MDN1: variants seen among roughly 807,000 people sequenced by gnomAD.
MDN1 encodes midasin.
In MDN1, 266 loss-of-function variants were observed where a neutral mutation model predicts 669.2. The ratio of observed to expected loss-of-function variants is 0.40; its 90% CI spans 0.36 to 0.44. MDN1 has a LOEUF of 0.44. Among genes scored for constraint, MDN1 ranks in the 20% least tolerant of loss-of-function variants. MDN1 has a pLI of 1.00. For missense variants in MDN1, 5,940 were observed against 6,754.0 expected, an observed-to-expected ratio of 0.88 and a Z score of 4.22; for synonymous variants, 2,385 against 2,457.1, an observed-to-expected ratio of 0.97 and a Z score of 0.87.
chr6:89,708,697 T>G, intron 50 of MDN1, 69 bp from the exon 51 acceptor site: 1 of 1,525,388 alleles, frequency 6.6e-7, no homozygotes, highest in Non-Finnish European at 9.0e-7. Flanking sequence ...GAAGTTTCAG[T>G]TGAATATTTT....
rs1808281609 is a variant in MDN1 at position 89,643,292 on chromosome 6, G to GCAAT, written c.*709_*712dup. 1 of 152,226 alleles carries GCAAT rather than the reference G, an allele frequency of 6.6e-6. No homozygotes were observed. Among genetic ancestry groups the GCAAT allele is most frequent in the South Asian group, 2.1e-4 (1 of 4,818 alleles). The allele number at this position is 152,226 out of a possible 1,614,324, so 9.4% of individuals were successfully genotyped here. On this transcript the variant is annotated 3_prime_UTR_variant, in exon 102 of 102. Coordinates refer to ENST00000369393, the MANE Select transcript of MDN1 (RefSeq NM_014611.3). ...CCATGGCACTGAATGAAATAAAGGG[G>GCAAT]CAATCACCTTCCCATCATTGCATAG...
chr6:89,701,571 G>A lies in MDN1; in HGVS notation c.8414C>T (p.Pro2805Leu), dbSNP rs552250904. The change falls in exon 55 of 102, where the codon CCG becomes CTG. Residue 2805 changes from proline (P) to leucine (L), a missense_variant. Transcript: ENST00000369393. ...IKKLQKFLGRPFPFKDKLVVE... is the reference protein window; with the variant it reads ...IKKLQKFLGRLFPFKDKLVVE... ...TTCCAGGTGTACCTTAAAAGGAAAC[G>A]GTCGTCCCAGGAACTTCTGCAACTT... 5.6e-6 allele frequency: 9 copies of A among 1,613,910 alleles called. No individual in the cohort carries two copies. The highest frequency in any genetic ancestry group is 7.6e-6 in the Non-Finnish European group (9 of 1,180,008).
intron 11 of MDN1, among the ~76,000 whole-genome samples, chr6:89,777,039 C>A (rs1162880599): frequency 1.3e-5 from 2 of 152,130 alleles, no homozygotes; most frequent in Non-Finnish European, 2.9e-5. Flanking sequence ...TCATATAGTG[C>A]TGAGGTAATA....
chr6:89,665,361 T>A (rs1810116293), intron 84 of MDN1, among the ~76,000 whole-genome samples: 1 of 152,062 alleles, frequency 6.6e-6, no homozygotes, highest in Non-Finnish European at 1.5e-5. Flanking sequence ...GATGTGCTAT[T>A]TGGGGCAAAA....
chr6:89,817,124 G>A (rs889656768), intron 1 of MDN1, among the ~76,000 whole-genome samples: 1 of 152,090 alleles, frequency 6.6e-6, no homozygotes, highest in African/African-American at 2.4e-5. Flanking sequence ...CAGCTTTCCA[G>A]ACCAAATCAA....
At chr6:89,709,538 C>T (rs1478321815) in intron 50 of MDN1, among the ~76,000 whole-genome samples, 1 of 152,222 alleles carries the variant, frequency 6.6e-6, no homozygotes. Flanking sequence ...TCAGCCACAA[C>T]TTGACTAGCA....
chr6:89,706,810 T>C (rs753345688), intron 52 of MDN1, among the ~76,000 whole-genome samples: 29 of 152,180 alleles, frequency 1.9e-4, no homozygotes, highest in Non-Finnish European at 3.2e-4. Flanking sequence ...TTTAGATAGA[T>C]AGTTAATACC....
chr6:89,817,831 C>A (rs966737606), intron 1 of MDN1, among the ~76,000 whole-genome samples: 256 of 9,936 alleles, frequency 0.026, no homozygotes, highest in Non-Finnish European at 0.045. Flanking sequence ...CTGCCATTTA[C>A]GACGGATAAC....
chr6:89,800,006 AAT>A lies in MDN1; in HGVS notation c.329+3320_329+3321del, dbSNP rs534409399. Reference sequence around the variant, plus strand: ...TTGCCAGGAGAACCAACCAAGTGATAATAAAGTTAAAACTTTCAGCCCAACTG... The same window carrying A: ...TTGCCAGGAGAACCAACCAAGTGATAAAAGTTAAAACTTTCAGCCCAACTG... On this transcript the variant is annotated intron_variant, in intron 2 of 101. Transcript: ENST00000369393. 3.2e-3 allele frequency among the ~76,000 whole-genome samples: 491 copies of A among 152,290 alleles called. 1 individual carries two copies. The highest frequency in any genetic ancestry group is 0.011 in the African/African-American group (469 of 41,554).
chr6:89,815,291 G>T, intron 1 of MDN1: 1 of 475,272 alleles, frequency 2.1e-6, no homozygotes, highest in South Asian at 1.6e-5. Context: ...CACCTATGGG[G>T]AGCAGGAATT....
chr6:89,762,873 G>A (rs1817625984), intron 15 of MDN1, among the ~76,000 whole-genome samples: 1 of 152,004 alleles, frequency 6.6e-6, no homozygotes, highest in Non-Finnish European at 1.5e-5. Flanking sequence ...TGGGCAACAT[G>A]GCAAAACCCT....
At chr6:89,698,581 T>C (rs1812934468) in intron 59 of MDN1, among the ~76,000 whole-genome samples, 1 of 152,234 alleles carries the variant, frequency 6.6e-6, no homozygotes, top group South Asian at 2.1e-4. Flanking sequence ...TATATATACA[T>C]ATATCTGCAC....
At chr6:89,723,404 AT>A in intron 39 of MDN1, 107 bp downstream of exon 39, 65 of 770,478 alleles carry the variant, frequency 8.4e-5, no homozygotes, top group South Asian at 1.3e-4. Flanking sequence ...ATTCAAAGTA[AT>A]TTTTTTTAGT....
At chr6:89,800,815 GA>G (rs1266526675) in intron 2 of MDN1, among the ~76,000 whole-genome samples, 1 of 152,116 alleles carries the variant, frequency 6.6e-6, no homozygotes, top group Non-Finnish European at 1.5e-5. Flanking sequence ...TTGTGGGACT[GA>G]ATCTTTAACC....
intron 45 of MDN1, among the ~76,000 whole-genome samples, 163 bp downstream of exon 45, chr6:89,715,490 A>T (rs1301144395): frequency 6.6e-6 from 1 of 152,212 alleles, no homozygotes; most frequent in Non-Finnish European, 1.5e-5. Flanking sequence ...ATGCCTGGCA[A>T]ATAGTAAAGC....
intron 63 of MDN1, among the ~76,000 whole-genome samples, chr6:89,691,840 G>C (rs1379848973): frequency 6.6e-6 from 1 of 152,082 alleles, no homozygotes; most frequent in African/African-American, 2.4e-5. Flanking sequence ...CTTAACCGGA[G>C]CAACTCTTTT....
At position 89,784,990 on chromosome 6, in the gene MDN1, A is replaced by G. The variant is rs1340447768; in HGVS notation, c.1449+22T>C. ...GAGCCACTGCACCTGGCCAGCATTG[A>G]TACTTTCCAAGACCCACGTACCTCA... On this transcript the variant is annotated intron_variant, in intron 9 of 101. Transcript: ENST00000369393. 4 of 1,510,486 alleles carry G rather than the reference A, an allele frequency of 2.6e-6. No individual in the cohort carries two copies. The African/African-American group carries it at 4.1e-5, about 16-fold the overall frequency. The allele number at this position is 1,510,486 out of a possible 1,614,324, so 93.6% of individuals were successfully genotyped here.
At chr6:89,748,922 C>A (rs972285425) in intron 26 of MDN1, among the ~76,000 whole-genome samples, 1 of 151,190 alleles carries the variant, frequency 6.6e-6, no homozygotes, top group Non-Finnish European at 1.5e-5. Flanking sequence ...CCGGGCATGA[C>A]GGTGCACATC....
In MDN1 at chr6:89,787,923, T is replaced by G. The variant is rs760099626; in HGVS notation, c.1265A>C (p.Glu422Ala). The G allele has an allele frequency of 1.2e-6, 2 of 1,613,420 alleles. No homozygotes were observed. The highest frequency in any genetic ancestry group is 1.7e-6 in the Non-Finnish European group (2 of 1,179,994). ...SVLIPLLENGELLIPGRGDCL... is the reference protein window; with the variant it reads ...SVLIPLLENGALLIPGRGDCL... The stretch of plus-strand genomic sequence containing the variant: ...GTCACCTCGGCCAGGAATCAAGAGC[T>G]CTCCATTCTCCAAGAGAGGGATCAG... The change falls in exon 8 of 102, where the codon GAG becomes GCG. Residue 422 changes from glutamate to alanine, a missense_variant. This residue lies in a region of MDN1 where 1,203 missense variants were observed against 1,268.9 expected (regional missense o/e 0.95). Coordinates refer to ENST00000369393, the MANE Select transcript of MDN1 (RefSeq NM_014611.3).
Sources: gnomAD v4.1 joint callset for allele counts (sites outside exome capture counted in the v4.1 genomes callset) on GRCh38, gnomAD v4.1.1 for gene constraint, gnomAD v4.1.1 regional missense constraint, MANE v1.5 for transcripts, NCBI Gene and HGNC (gene_info 2026-07-23, HGNC 2026-07-21) for gene names.